The following SMN2 variants were observed in gnomAD, a reference collection of about 807,000 sequenced individuals.
The protein encoded by SMN2 is survival of motor neuron 2, centromeric, also known as survival motor neuron protein.
In SMN2, 1 loss-of-function variant was observed where a neutral mutation model predicts 2.8. The observed-to-expected ratio is 0.35, with a 90% CI of 0.13 to 1.68. The LOEUF is 1.68. Ranked by LOEUF, SMN2 falls within the 40% of genes most tolerant of loss-of-function variation. SMN2 has a pLI of 0.35. For synonymous variants in SMN2, 5 were observed against 5.0 expected (o/e 0.99, Z 0.01); for missense variants, 12 against 16.9 (o/e 0.71, Z 0.51).
At chr5:70,085,182 TG>T in the SMN2 span, among the ~76,000 whole-genome samples, 1 of 123,164 alleles carries the variant, frequency 8.1e-6, no homozygotes, top group East Asian at 2.3e-4. Context: ...AGATAACCTT[TG>T]TTTAGTCATG....
chr5:70,082,127 G>T (rs1312446073), downstream of SMN2, among the ~76,000 whole-genome samples: 1 of 131,880 alleles, frequency 7.6e-6, no homozygotes, highest in African/African-American at 3.3e-5. Flanking sequence ...TAATCATGTG[G>T]TTTTTGTCTT....
the SMN2 span, among the ~76,000 whole-genome samples, chr5:70,085,422 T>G: frequency 7.6e-6 from 1 of 131,992 alleles, no homozygotes; most frequent in Non-Finnish European, 1.6e-5. Context: ...TTTGTATTTT[T>G]AGTAGAGGTG....
At chr5:70,079,706 C>A (rs1326652666), downstream of SMN2, among the ~76,000 whole-genome samples, 5 of 136,502 alleles carry the variant, frequency 3.7e-5, no homozygotes, top group Non-Finnish European at 7.7e-5. Flanking sequence ...GTGTAATGAG[C>A]CGTGTTCACA....
chr5:70,071,514 TTA>T (rs1215686939), intron 7 of SMN2: 222 of 120,554 alleles, frequency 1.8e-3, no homozygotes, highest in African/African-American at 7.9e-3. Context: ...TTATTTTATT[TTA>T]TTTTTTTTTT....
chr5:70,079,627 CAT>C (rs1774826947), downstream of SMN2, among the ~76,000 whole-genome samples: 1 of 134,598 alleles, frequency 7.4e-6, no homozygotes, highest in African/African-American at 3.1e-5. Context: ...CATGGTGGTG[CAT>C]GCCTGTAGTC....
At chr5:70,080,795 A>G (rs1252384528), downstream of SMN2, among the ~76,000 whole-genome samples, 166 of 118,982 alleles carry the variant, frequency 1.4e-3, no homozygotes, top group African/African-American at 2.5e-3. Flanking sequence ...GTAGATTGCA[A>G]AAATTTTCTC....
At chr5:70,076,625 G>C in intron 8 of SMN2, 51 bp downstream of exon 8, 1 of 1,421,698 alleles carries the variant, frequency 7.0e-7, no homozygotes, top group East Asian at 2.4e-5. Flanking sequence ...AAAACTTTAT[G>C]GTTTGTGGAA....
chr5:70,076,691 T>C (rs2112493108), intron 8 of SMN2, 117 bp downstream of exon 8: 1 of 1,346,890 alleles, frequency 7.4e-7, no homozygotes, highest in Non-Finnish European at 1.0e-6. Flanking sequence ...GAAAGGTTAA[T>C]GTAAAACAAT....
intron 1 of SMN2, among the ~76,000 whole-genome samples, chr5:70,052,338 C>T (rs1247345888): frequency 1.5e-4 from 6 of 39,418 alleles, no homozygotes; most frequent in Admixed American, 3.5e-4. Flanking sequence ...GTCAGGAGTT[C>T]GAGACCAGCC....
intron 6 of SMN2, among the ~76,000 whole-genome samples, chr5:70,070,236 G>A (rs1389969733): frequency 9.6e-6 from 1 of 103,682 alleles, no homozygotes; most frequent in Admixed American, 9.7e-5. Flanking sequence ...TAGCTTCATA[G>A]TGGAACAGAT....
downstream of SMN2, among the ~76,000 whole-genome samples, chr5:70,081,431 G>C (rs1774855615): frequency 5.6e-5 from 1 of 17,838 alleles, no homozygotes; most frequent in East Asian, 1.8e-3. Context: ...GGATGGCATT[G>C]AATCTGTAAA....
chr5:70,076,996 TGG>T, intron 8 of SMN2, 21 bp from the exon 9 acceptor site: 1 of 558,354 alleles, frequency 1.8e-6, no homozygotes, highest in African/African-American at 3.9e-5. Context: ...GTCAAGCCTC[TGG>T]TTCTAATTTC....
In SMN2 at chr5:70,074,876, C is replaced by T. The variant is rs1323879798; in HGVS notation, c.835-1645C>T. Reference sequence around the variant, plus strand: ...GCATGGTGGCGCATGCCTGTAATCCCAGCTACTTGGGAGGCTGAGGCAGGA... The same window carrying T: ...GCATGGTGGCGCATGCCTGTAATCCTAGCTACTTGGGAGGCTGAGGCAGGA... On this transcript the variant is annotated intron_variant, in intron 7 of 8. Transcript: ENST00000380743. Among the ~76,000 whole-genome samples the T allele has an allele frequency of 2.5e-5, 3 of 121,524 alleles. 1 individual carries two copies. The South Asian group carries it at 7.8e-4, about 31-fold the overall frequency. 79.7% of individuals were successfully genotyped at this position (121,524 alleles called of 152,430 possible).
chr5:70,079,448 A>C (rs1386419147), downstream of SMN2, among the ~76,000 whole-genome samples: 1 of 149,812 alleles, frequency 6.7e-6, no homozygotes, highest in Non-Finnish European at 1.5e-5. Context: ...AAAAAAAAAA[A>C]AAACACGTTA....
the SMN2 span, among the ~76,000 whole-genome samples, chr5:70,084,646 CAT>C: frequency 1.5e-5 from 2 of 137,320 alleles, no homozygotes; most frequent in African/African-American, 6.1e-5. Flanking sequence ...ATGATTATCT[CAT>C]ATTTGTACAT....
intron 1 of SMN2, among the ~76,000 whole-genome samples, chr5:70,052,265 G>A (rs1449378229): frequency 8.8e-6 from 1 of 113,128 alleles, no homozygotes; most frequent in South Asian, 2.9e-4. Flanking sequence ...AGGATCGGCC[G>A]GGCGCTGTGG....
downstream of SMN2, among the ~76,000 whole-genome samples, chr5:70,079,730 G>C (rs1475781479): frequency 7.6e-6 from 1 of 131,846 alleles, no homozygotes; most frequent in African/African-American, 3.2e-5. Context: ...TTGCACTTCA[G>C]CCTGGGCAAC....
At chr5:70,076,598 G>A in intron 8 of SMN2, 24 bp downstream of exon 8, 1 of 1,432,058 alleles carries the variant, frequency 7.0e-7, no homozygotes, top group Non-Finnish European at 9.5e-7. Flanking sequence ...CATTATGAAA[G>A]TGAATCTTAC....
At chr5:70,071,088 C>CTT (rs1164147978) in intron 7 of SMN2, 50 of 52,046 alleles carry the variant, frequency 9.6e-4, no homozygotes, top group Admixed American at 1.7e-3. Flanking sequence ...AAATGAAATT[C>CTT]TTTTTTTTTT....
Sources: gnomAD v4.1 joint callset for allele counts (sites outside exome capture counted in the v4.1 genomes callset) on GRCh38, gnomAD v4.1.1 for gene constraint, MANE v1.5 for transcripts, NCBI Gene and HGNC (gene_info 2026-07-23, HGNC 2026-07-21) for gene names.